ABLIM2: variants seen among roughly 807,000 people sequenced by gnomAD.
ABLIM2 encodes actin binding LIM protein family member 2, also known as actin-binding LIM protein 2.
Under a neutral mutation model 97.7 loss-of-function variants are expected in ABLIM2, and 53 were observed. The observed-to-expected ratio is 0.54, with a 90% confidence interval of 0.44 to 0.68. The LOEUF is 0.68. Ranked by LOEUF, ABLIM2 falls within the 30% of genes least tolerant of loss-of-function variation. The pLI is 0.00. For synonymous variants in ABLIM2, 361 were observed against 345.8 expected (o/e 1.04, Z -0.49); for missense variants, 835 against 867.2 (o/e 0.96, Z 0.47).
At position 8,082,420 on chromosome 4, in the gene ABLIM2, G is replaced by A. The variant is rs1260233935; in HGVS notation, c.455-1618C>T. Among the ~76,000 whole-genome samples the A allele has an allele frequency of 1.3e-5, 2 of 152,220 alleles. No homozygotes were observed. The highest frequency in any genetic ancestry group is 1.3e-4 in the Admixed American group (2 of 15,282). On this transcript the variant is annotated intron_variant, in intron 4 of 20. Transcript: ENST00000447017. The surrounding 1 kb of genome is among the most constrained non-coding windows in gnomAD (Gnocchi z 5.6). ...CTGGCCCAAAGCCTTGCGCATCCCG[G>A]GTGAACAGTGAGCATCGGCGAGACC...
intron 17 of ABLIM2, among the ~76,000 whole-genome samples, chr4:7,990,706 G>T (rs541948031): frequency 2.0e-5 from 3 of 152,108 alleles, no homozygotes; most frequent in African/African-American, 7.2e-5. Context: ...GCAGGGGCAC[G>T]CACTCCCAGG....
At position 7,966,755 on chromosome 4, in the gene ABLIM2, TG is replaced by T; in HGVS notation, c.*234del. On this transcript the variant is annotated 3_prime_UTR_variant, in exon 21 of 21. Transcript: ENST00000447017. ...ACACAGCCACTCTACAGCCTCTCCC[TG>T]ACACCAAGCCACAGCGGGGAAGGGT... is the stretch of plus-strand genomic sequence containing the variant. 1.8e-6 allele frequency: 1 copy of T among 540,550 alleles called. No individual in the cohort carries two copies. The highest frequency in any genetic ancestry group is 3.3e-6 in the Non-Finnish European group (1 of 302,020). The allele number at this position is 540,550 out of a possible 1,614,324, so 33.5% of individuals were successfully genotyped here.
At chr4:8,053,534 T>C (rs1359437617) in intron 8 of ABLIM2, among the ~76,000 whole-genome samples, 2 of 152,174 alleles carry the variant, frequency 1.3e-5, no homozygotes, top group Non-Finnish European at 2.9e-5. Context: ...TCTTGGGGAC[T>C]GTTTGGGCCC....
chr4:8,070,980 C>T (rs891545297), intron 6 of ABLIM2, among the ~76,000 whole-genome samples: 1 of 152,184 alleles, frequency 6.6e-6, no homozygotes, highest in Non-Finnish European at 1.5e-5. Context: ...CACTCCCGCC[C>T]ACCTCTTCAG....
In ABLIM2 at chr4:8,113,421, G is replaced by A. The variant is rs1004924304; in HGVS notation, c.11-6784C>T. On this transcript the variant is annotated intron_variant, in intron 1 of 20. Coordinates refer to ENST00000447017, the MANE Select transcript of ABLIM2 (RefSeq NM_001130083.2). This position sits in a 1 kb window ranked among gnomAD's most constrained non-coding sequence, Gnocchi z 4.5. ...GGGATTTGCTTGACTGTTTATTTCC[G>A]ATCTGTGCCCACGGATCTATATTTA... Among the ~76,000 whole-genome samples the A allele has an allele frequency of 1.3e-5, 2 of 152,084 alleles. No individual in the cohort carries two copies. The highest frequency in any genetic ancestry group is 2.1e-4 in the South Asian group (1 of 4,816).
In ABLIM2 at chr4:8,033,884, G is replaced by C. The variant is rs187180046; in HGVS notation, c.1047+2265C>G. ...TGGAGCAGGACAGGGAGAGATACCA[G>C]CCCACCCCAACACACATCACCTCTG... On this transcript the variant is annotated intron_variant, in intron 10 of 20. Coordinates refer to ENST00000447017, the MANE Select transcript of ABLIM2 (RefSeq NM_001130083.2). This position sits in a 1 kb window ranked among gnomAD's most constrained non-coding sequence, Gnocchi z 4.5. Among the ~76,000 whole-genome samples, 451 of 152,306 alleles carry C rather than the reference G, an allele frequency of 3.0e-3. 3 individuals are homozygous for C. The highest frequency in any genetic ancestry group is 9.3e-3 in the South Asian group (45 of 4,828).
At chr4:7,983,699 T>G (rs1379942657) in intron 18 of ABLIM2, 145 bp from the exon 19 acceptor site, 5 of 1,023,978 alleles carry the variant, frequency 4.9e-6, no homozygotes, top group Non-Finnish European at 1.5e-6. Flanking sequence ...CAGCCTGCAC[T>G]GAGGCCCTAA....
intron 16 of ABLIM2, among the ~76,000 whole-genome samples, chr4:8,000,069 G>A (rs963019792): frequency 2.0e-5 from 3 of 152,150 alleles, no homozygotes; most frequent in African/African-American, 7.2e-5. Flanking sequence ...GCTCCTGGGT[G>A]CACGGGCAGG....
chr4:7,988,302 C>T (rs908227780), intron 17 of ABLIM2, among the ~76,000 whole-genome samples: 4 of 152,214 alleles, frequency 2.6e-5, no homozygotes, highest in Non-Finnish European at 5.9e-5. Context: ...GGATTACAGG[C>T]GTGAACCACC....
At chr4:7,967,909 C>T (rs1371565833) in intron 20 of ABLIM2, among the ~76,000 whole-genome samples, 2 of 152,230 alleles carry the variant, frequency 1.3e-5, no homozygotes, top group Non-Finnish European at 2.9e-5. Flanking sequence ...AGTATGACCT[C>T]AGCCACCGCA....
rs1752664488 is a variant in ABLIM2, at chr4:7,995,514, T to C, written c.1619-2587A>G. ...AGCAAAAGATGCTTCTCCGGGGGCC[T>C]TTCATTTGGGGGTTCCTCATGGACT... On this transcript the variant is annotated intron_variant, in intron 16 of 20. Transcript: ENST00000447017. Among the ~76,000 whole-genome samples, 4 of 152,128 alleles carry C rather than the reference T, an allele frequency of 2.6e-5. No individual in the cohort carries two copies. The South Asian group carries it at 6.2e-4, about 24-fold the overall frequency.
At chr4:7,973,455 T>G in intron 20 of ABLIM2, among the ~76,000 whole-genome samples, 1 of 150,670 alleles carries the variant, frequency 6.6e-6, no homozygotes, top group Admixed American at 6.6e-5. Context: ...AAGCTGAGAT[T>G]GTGCCACTGC....
intron 20 of ABLIM2, among the ~76,000 whole-genome samples, chr4:7,969,768 C>CACACACACACACAG (rs1322898636): frequency 1.3e-4 from 19 of 143,430 alleles, no homozygotes; most frequent in African/African-American, 2.9e-4. Flanking sequence ...CACACACACA[C>CACACACACACACAG]AGCCTATCCA....
At chr4:8,086,592 GC>G (rs1823845040) in intron 4 of ABLIM2, among the ~76,000 whole-genome samples, 1 of 151,900 alleles carries the variant, frequency 6.6e-6, no homozygotes, top group African/African-American at 2.4e-5. Flanking sequence ...TGATCCACCC[GC>G]CCCGGCCTCC....
rs374118655 is a variant in ABLIM2 at position 7,987,605 on chromosome 4, T to C, written c.1681-2712A>G. 1.1e-3 allele frequency among the ~76,000 whole-genome samples: 173 copies of C among 152,258 alleles called. 2 individuals are homozygous for C. In the South Asian group the frequency reaches 0.027, roughly 24 times the overall value. On this transcript the variant is annotated intron_variant, in intron 17 of 20. Coordinates refer to ENST00000447017, the MANE Select transcript of ABLIM2 (RefSeq NM_001130083.2). ...TGCCCATCGCTCTGCATAACGGGCTTCCAAAACTCGCAGGGCACCACCTTC... is the reference window on the plus strand; with the variant it reads ...TGCCCATCGCTCTGCATAACGGGCTCCCAAAACTCGCAGGGCACCACCTTC...
chr4:7,979,552 C>G (rs1459030385), intron 20 of ABLIM2, among the ~76,000 whole-genome samples: 1 of 152,250 alleles, frequency 6.6e-6, no homozygotes, highest in East Asian at 1.9e-4. Flanking sequence ...ACCTAAGCAG[C>G]TGTCACCTTT....
At chr4:8,145,253 A>G (rs1578512873) in intron 1 of ABLIM2, among the ~76,000 whole-genome samples, 1 of 150,898 alleles carries the variant, frequency 6.6e-6, no homozygotes, top group Middle Eastern at 3.4e-3. Context: ...GCATGATCTC[A>G]GCTCACTGCA....
chr4:8,000,467 A>G (rs1446345051), intron 16 of ABLIM2, among the ~76,000 whole-genome samples: 2 of 151,820 alleles, frequency 1.3e-5, no homozygotes, highest in African/African-American at 2.4e-5. Context: ...GGACGGGCTG[A>G]GATTGAATCA....
Position 8,123,510 on chromosome 4 carries a change from T to C in ABLIM2, c.11-16873A>G, listed in dbSNP as rs1846409358. 6.6e-6 allele frequency among the ~76,000 whole-genome samples: 1 copy of C among 152,084 alleles called. No individual in the cohort carries two copies. Among genetic ancestry groups the C allele is most frequent in the Non-Finnish European group, 1.5e-5 (1 of 68,008 alleles). On this transcript the variant is annotated intron_variant, in intron 1 of 20. Coordinates refer to ENST00000447017, the MANE Select transcript of ABLIM2 (RefSeq NM_001130083.2). The surrounding 1 kb of genome is among the most constrained non-coding windows in gnomAD (Gnocchi z 6.2). ...TCTGCTGATTCAAGGGAGGCTGGTG[T>C]GAGGGAAGCATTTCCGGCATGTCTA...
Sources: allele counts gnomAD v4.1 joint callset (sites outside exome capture counted in the v4.1 genomes callset), GRCh38; gene constraint gnomAD v4.1.1; non-coding constraint Gnocchi (gnomAD v3.1); transcripts MANE v1.5; gene names NCBI Gene and HGNC (gene_info 2026-07-23, HGNC 2026-07-21).